WEE1: variants seen among roughly 807,000 people sequenced by gnomAD.
WEE1 encodes the protein WEE1 G2 checkpoint kinase.
A neutral mutation model predicts 68.8 loss-of-function variants in WEE1; 16 were observed. That is an observed-to-expected ratio of 0.23 (90% CI 0.16 to 0.35). The LOEUF is 0.35. Among genes scored for constraint, WEE1 ranks in the 10% least tolerant of loss-of-function variants. WEE1 has a pLI of 1.00. For missense variants in WEE1, 651 were observed against 824.1 expected (o/e 0.79, Z 2.57); for synonymous variants, 349 against 318.7 (o/e 1.09, Z -1.01).
Position 9,586,843 on chromosome 11 carries a change from T to G in WEE1, c.1774T>G (p.Ser592Ala). The G allele has an allele frequency of 6.2e-7, 1 of 1,604,494 alleles. No individual in the cohort carries two copies. The highest frequency in any genetic ancestry group is 8.5e-7 in the Non-Finnish European group (1 of 1,177,644). The change falls in exon 10 of 11, where the codon TCA becomes GCA. Residue 592 changes from serine to alanine, a missense_variant. This residue lies in a region of WEE1 where 115 missense variants were observed against 142.7 expected (regional missense o/e 0.81). Coordinates refer to ENST00000450114, the MANE Select transcript of WEE1 (RefSeq NM_003390.4). Reference protein sequence around the residue: ...IELNAEKFKNSLLQKELKKAQ... With the variant: ...IELNAEKFKNALLQKELKKAQ... ...ATTGAATGCCGAAAAGTTCAAAAAT[T>G]CACTTTTACAAAAGTAAGTGAGGGT...
In WEE1 at chr11:9,585,464, G is replaced by C; in HGVS notation, c.1407G>C (p.Arg469Ser). 6.2e-7 allele frequency: 1 copy of C among 1,605,162 alleles called. No homozygotes were observed. The highest frequency in any genetic ancestry group is 8.5e-7 in the Non-Finnish European group (1 of 1,177,832). The change falls in exon 8 of 11, where the codon AGG becomes AGC. Residue 469 changes from arginine (R) to serine (S), a missense_variant. Physicochemically the swap from Arg to Ser is moderately radical, Grantham distance 110. This residue lies in a region of WEE1 where 82 missense variants were observed against 123.2 expected (regional missense o/e 0.67). Transcript: ENST00000450114. ...TAGGTGATCTTGGGCATGTAACAAG[G>C]ATCTCCAGTCCACAAGTTGAAGAGG... ...FKIGDLGHVT[R>S]ISSPQVEEGD...
In WEE1 at chr11:9,586,696, A is replaced by G; in HGVS notation, c.1642-15A>G. Reference sequence around the variant, plus strand: ...AAATGCATGTCTTTACCTTCATTTTACTTTTCTTTTTAAGGTTATGATTCA... The same window carrying G: ...AAATGCATGTCTTTACCTTCATTTTGCTTTTCTTTTTAAGGTTATGATTCA... On this transcript the variant is annotated splice_polypyrimidine_tract_variant and intron_variant, in intron 9 of 10. Coordinates refer to ENST00000450114, the MANE Select transcript of WEE1 (RefSeq NM_003390.4). The G allele has an allele frequency of 3.7e-6, 6 of 1,610,868 alleles. No homozygotes were observed. The highest frequency in any genetic ancestry group is 5.1e-6 in the Non-Finnish European group (6 of 1,179,264).
In WEE1 at chr11:9,588,550, C is replaced by T; in HGVS notation, c.1889C>T (p.Ser630Phe). The T allele has an allele frequency of 6.2e-7, 1 of 1,611,106 alleles. No homozygotes were observed. Among genetic ancestry groups the T allele is most frequent in the Non-Finnish European group, 8.5e-7 (1 of 1,179,346 alleles). Residue 630 changes from serine to phenylalanine, a missense_variant, in exon 11 of 11, where the codon TCT becomes TTT. Physicochemically the swap from Ser to Phe is radical, Grantham distance 155. Transcript: ENST00000450114. Reference protein sequence around the residue: ...TRSTTQSNRTSRLIGKKMNRS... With the variant: ...TRSTTQSNRTFRLIGKKMNRS... The stretch of plus-strand genomic sequence containing the variant: ...TCCACCACCCAGAGTAATAGAACAT[C>T]TCGACTTATTGGAAAGAAAATGAAC...
intron 5 of WEE1, chr11:9,581,000 G>A (rs1012356797): frequency 6.6e-6 from 1 of 152,216 alleles, no homozygotes; most frequent in Non-Finnish European, 1.5e-5. Flanking sequence ...CTGTAGTGCC[G>A]ATCTATGTTG....
intron 5 of WEE1, chr11:9,577,505 T>C: frequency 2.2e-6 from 1 of 448,564 alleles, no homozygotes; most frequent in Non-Finnish European, 4.0e-6. Context: ...ACTGAGCTTT[T>C]TGACAAGACT....
chr11:9,580,485 G>T (rs1849614982), intron 5 of WEE1: 1 of 139,144 alleles, frequency 7.2e-6, no homozygotes, highest in South Asian at 2.3e-4. Context: ...TTTTTCGGGG[G>T]ACTGAGTCTC....
intron 5 of WEE1, chr11:9,577,525 A>AC (rs1161789346): frequency 2.4e-6 from 1 of 409,646 alleles, no homozygotes; most frequent in African/African-American, 2.0e-5. Flanking sequence ...TATGGCCTCG[A>AC]CACATATATT....
In WEE1 at chr11:9,576,697, C is replaced by T. The variant is rs767831489; in HGVS notation, c.1019+38C>T. 3.8e-6 allele frequency: 6 copies of T among 1,578,884 alleles called. No individual in the cohort carries two copies. The highest frequency in any genetic ancestry group is 1.4e-5 in the African/African-American group (1 of 73,198). Reference sequence around the variant, plus strand: ...CATTTTGTCTTTTGCTCTTTTGTCCCCTATGGTGTTACTAACATTAAGGTT... The same window carrying T: ...CATTTTGTCTTTTGCTCTTTTGTCCTCTATGGTGTTACTAACATTAAGGTT... On this transcript the variant is annotated intron_variant, in intron 4 of 10. Transcript: ENST00000450114. The surrounding 1 kb of genome is among the most constrained non-coding windows in gnomAD (Gnocchi z 4.3).
rs1849690106 is a variant in WEE1, at chr11:9,585,438, CT to C, written c.1385-3del. ...CTTCACTGTAAGTTTTTCAATACTT[CT>C]AGGTGATCTTGGGCATGTAACAAGG... On this transcript the variant is annotated splice_region_variant and splice_polypyrimidine_tract_variant and intron_variant, in intron 7 of 10. Coordinates refer to ENST00000450114, the MANE Select transcript of WEE1 (RefSeq NM_003390.4). The C allele has an allele frequency of 6.2e-7, 1 of 1,607,974 alleles. No individual in the cohort carries two copies. Among genetic ancestry groups the C allele is most frequent in the Admixed American group, 1.7e-5 (1 of 58,454 alleles).
At chr11:9,586,350 G>A (rs543051235) in intron 8 of WEE1, 99 bp from the exon 9 acceptor site, 9 of 1,099,792 alleles carry the variant, frequency 8.2e-6, no homozygotes, top group Admixed American at 5.1e-5. Context: ...TAGACACTTT[G>A]ATTAAGTCCT....
Position 9,574,605 on chromosome 11 carries a change from C to T in WEE1, c.576+96C>T. On this transcript the variant is annotated intron_variant, in intron 1 of 10. Coordinates refer to ENST00000450114, the MANE Select transcript of WEE1 (RefSeq NM_003390.4). This position sits in a 1 kb window ranked among gnomAD's most constrained non-coding sequence, Gnocchi z 4.9. Reference sequence around the variant, plus strand: ...GTTCGGTTACAGAAGCGGCCGGCCGCTCCCCCCTCGCTTTCCTGCGCCGCC... The same window carrying T: ...GTTCGGTTACAGAAGCGGCCGGCCGTTCCCCCCTCGCTTTCCTGCGCCGCC... The T allele has an allele frequency of 8.9e-7, 1 of 1,124,460 alleles. No individual in the cohort carries two copies. Among genetic ancestry groups the T allele is most frequent in the Non-Finnish European group, 1.1e-6 (1 of 920,060 alleles). 69.7% of individuals were successfully genotyped at this position (1,124,460 alleles called of 1,614,324 possible). A position where few individuals can be genotyped will look rare whatever the true frequency, so the allele number is the denominator to read the frequency against.
In WEE1 at chr11:9,574,664, C is replaced by T. The variant is rs1849544114; in HGVS notation, c.576+155C>T. 16 of 1,110,050 alleles carry T rather than the reference C, an allele frequency of 1.4e-5. No homozygotes were observed. The highest frequency in any genetic ancestry group is 3.3e-5 in the African/African-American group (2 of 60,284). The allele number at this position is 1,110,050 out of a possible 1,614,324, so 68.8% of individuals were successfully genotyped here. On this transcript the variant is annotated intron_variant, in intron 1 of 10. Coordinates refer to ENST00000450114, the MANE Select transcript of WEE1 (RefSeq NM_003390.4). This position sits in a 1 kb window ranked among gnomAD's most constrained non-coding sequence, Gnocchi z 4.9. The stretch of plus-strand genomic sequence containing the variant: ...TTGGCAGCCCTTGTGTTTGGCCCTG[C>T]CCCGAGGTTGTCCGTTGAGATTATG...
Position 9,574,645 on chromosome 11 carries a change from G to C in WEE1, c.576+136G>C. 1.8e-6 allele frequency: 2 copies of C among 1,117,624 alleles called. No homozygotes were observed. Among genetic ancestry groups the C allele is most frequent in the Non-Finnish European group, 2.2e-6 (2 of 916,252 alleles). The allele number at this position is 1,117,624 out of a possible 1,614,324, so 69.2% of individuals were successfully genotyped here. On this transcript the variant is annotated intron_variant, in intron 1 of 10. Transcript: ENST00000450114. The surrounding 1 kb of genome is among the most constrained non-coding windows in gnomAD (Gnocchi z 4.9). ...CCTGCGCCGCCCCCCAAAGTTGGCA[G>C]CCCTTGTGTTTGGCCCTGCCCCGAG... is the stretch of plus-strand genomic sequence containing the variant.
At position 9,588,560 on chromosome 11, in the gene WEE1, T is replaced by C. The variant is rs749322599; in HGVS notation, c.1899T>C (p.Ile633=). Residue 633 remains isoleucine (I), a synonymous_variant, in exon 11 of 11, where the codon ATT becomes ATC. Transcript: ENST00000450114. Reference sequence around the variant, plus strand: ...AGAGTAATAGAACATCTCGACTTATTGGAAAGAAAATGAACCGCTCTGTCA... The same window carrying C: ...AGAGTAATAGAACATCTCGACTTATCGGAAAGAAAATGAACCGCTCTGTCA... ...TTQSNRTSRL[I]GKKMNRSVSL... 1.2e-6 allele frequency: 2 copies of C among 1,610,158 alleles called. No homozygotes were observed. Among genetic ancestry groups the C allele is most frequent in the South Asian group, 2.2e-5 (2 of 90,382 alleles).
At position 9,586,827 on chromosome 11, in the gene WEE1, C is replaced by T. The variant is rs758332058; in HGVS notation, c.1758C>T (p.Ala586=). The T allele has an allele frequency of 1.1e-5, 17 of 1,608,232 alleles. No individual in the cohort carries two copies. Among genetic ancestry groups the T allele is most frequent in the Non-Finnish European group, 1.4e-5 (16 of 1,178,460 alleles). ...AACAATTACGAATAGAATTGAATGC[C>T]GAAAAGTTCAAAAATTCACTTTTAC... ...SAEQLRIELN[A]EKFKNSLLQK... The change falls in exon 10 of 11, where the codon GCC becomes GCT. Residue 586 remains alanine (A), a synonymous_variant. Transcript: ENST00000450114.
At chr11:9,584,697 C>A (rs1240669240) in intron 6 of WEE1, among the ~76,000 whole-genome samples, 1 of 152,200 alleles carries the variant, frequency 6.6e-6, no homozygotes, top group Non-Finnish European at 1.5e-5. Context: ...ATTACTGATA[C>A]TACCTTTTTT....
At chr11:9,579,233 A>G (rs1013266560) in intron 5 of WEE1, 1 of 152,186 alleles carries the variant, frequency 6.6e-6, no homozygotes, top group Non-Finnish European at 1.5e-5. Flanking sequence ...TTGTGTGGCT[A>G]TTTGTCCTAC....
Position 9,588,522 on chromosome 11 carries a change from A to G in WEE1, c.1861A>G (p.Arg621Gly), listed in dbSNP as rs766293614. ...RALFTDRMAT[R>G]STTQSNRTSR... is the part of the protein sequence containing the mutation. ...ACTCTTCACTGACCGGATGGCCACTAGGTCCACCACCCAGAGTAATAGAAC... is the reference window on the plus strand; with the variant it reads ...ACTCTTCACTGACCGGATGGCCACTGGGTCCACCACCCAGAGTAATAGAAC... The change falls in exon 11 of 11, where the codon AGG becomes GGG. Residue 621 changes from arginine to glycine, a missense_variant. Arg to Gly is a moderately radical substitution (Grantham distance 125). This residue lies in a region of WEE1 where 115 missense variants were observed against 142.7 expected (regional missense o/e 0.81). Transcript: ENST00000450114. 5 of 1,612,792 alleles carry G rather than the reference A, an allele frequency of 3.1e-6. No homozygotes were observed.
intron 10 of WEE1, among the ~76,000 whole-genome samples, chr11:9,588,117 C>T (rs1346645812): frequency 6.6e-6 from 1 of 152,082 alleles, no homozygotes; most frequent in Non-Finnish European, 1.5e-5. Context: ...TGGGCCCAAG[C>T]GATCCTCCAG....
Sources: gnomAD v4.1 joint callset for allele counts (sites outside exome capture counted in the v4.1 genomes callset) on GRCh38, gnomAD v4.1.1 for gene constraint, gnomAD v4.1.1 regional missense constraint, Gnocchi (gnomAD v3.1) non-coding constraint, MANE v1.5 for transcripts, NCBI Gene and HGNC (gene_info 2026-07-23, HGNC 2026-07-21) for gene names.